The following UAP1 variants were observed in gnomAD, a reference collection of about 807,000 sequenced individuals.
UAP1 encodes UDP-N-acetylhexosamine pyrophosphorylase.
UAP1 carries 25 observed loss-of-function variants against 58.5 expected under a neutral mutation model. That is an observed-to-expected ratio of 0.43 (90% CI 0.31 to 0.60). The LOEUF is 0.60. Ranked by LOEUF, UAP1 falls within the 20% of genes least tolerant of loss-of-function variation. The pLI is 0.11. For missense variants in UAP1, 575 were observed against 630.0 expected (o/e 0.91, Z 0.93); for synonymous variants, 208 against 213.0 (o/e 0.98, Z 0.21).
intron 1 of UAP1, among the ~76,000 whole-genome samples, chr1:162,565,501 C>T (rs1653434976): frequency 6.6e-6 from 1 of 152,126 alleles, no homozygotes; most frequent in Non-Finnish European, 1.5e-5. Flanking sequence ...ATAGGTTGTT[C>T]TGTCTTCCTG....
chr1:162,581,862 GTATCTT>G (rs1654608461), intron 5 of UAP1, among the ~76,000 whole-genome samples: 1 of 152,174 alleles, frequency 6.6e-6, no homozygotes, highest in Non-Finnish European at 1.5e-5. Context: ...AGGTGACAAG[GTATCTT>G]ACGATGTTCT....
intron 9 of UAP1, chr1:162,593,107 A>G (rs975471917): frequency 1.7e-5 from 6 of 363,234 alleles, no homozygotes; most frequent in East Asian, 4.8e-5. Flanking sequence ...CACCTTTAAC[A>G]TAAGCTTATA....
At chr1:162,567,447 C>T (rs1185700779) in intron 2 of UAP1, among the ~76,000 whole-genome samples, 1 of 152,098 alleles carries the variant, frequency 6.6e-6, no homozygotes, top group Non-Finnish European at 1.5e-5. Context: ...AAAATCTTTC[C>T]CCTTAACCTA....
downstream of UAP1, among the ~76,000 whole-genome samples, chr1:162,600,670 G>A (rs1433341052): frequency 6.0e-5 from 9 of 149,774 alleles, no homozygotes; most frequent in East Asian, 1.6e-3. Flanking sequence ...TGAAGAGCAT[G>A]TGATGTTCAT....
In UAP1 at chr1:162,576,985, A is replaced by C; in HGVS notation, c.485+4A>C. 6.2e-7 allele frequency: 1 copy of C among 1,613,524 alleles called. No homozygotes were observed. The highest frequency in any genetic ancestry group is 8.5e-7 in the Non-Finnish European group (1 of 1,179,464). ...GCAACAAATGCATTATTCCATGGTA[A>C]GATACGTCTCATTATTGGAGTGTGT... On this transcript the variant is annotated splice_donor_region_variant and intron_variant, in intron 3 of 10. Transcript: ENST00000271469.
At chr1:162,588,711 G>T in exon 7 of UAP1, 1 of 1,610,732 alleles carries the variant, frequency 6.2e-7, no homozygotes, top group Non-Finnish European at 8.5e-7. Context: ...AACCTCAGTT[G>T]CAGCACCATG....
At position 162,589,441 on chromosome 1, in the gene UAP1, C is replaced by G. The variant is rs1050348782; in HGVS notation, c.1169+608C>G. Among the ~76,000 whole-genome samples, 186 of 149,996 alleles carry G rather than the reference C, an allele frequency of 1.2e-3. 2 individuals are homozygous for G. Among genetic ancestry groups the G allele is most frequent in the African/African-American group, 4.3e-3 (177 of 40,830 alleles). On this transcript the variant is annotated intron_variant, in intron 7 of 10. Transcript: ENST00000271469. ...GTGCTGGGATTATAGGCTTGAGCCA[C>G]TACGCCCCGCCTTGGTCTCCTGTAA...
At chr1:162,579,467 G>A in exon 4 of UAP1, 1 of 1,604,402 alleles carries the variant, frequency 6.2e-7, no homozygotes, top group South Asian at 1.1e-5. Flanking sequence ...AATCTACAAA[G>A]GAGTTCTTCA....
chr1:162,591,186 A>AGT (rs1655287863), intron 8 of UAP1, among the ~76,000 whole-genome samples: 3 of 152,058 alleles, frequency 2.0e-5, no homozygotes, highest in Non-Finnish European at 4.4e-5. Flanking sequence ...TGGCCTCCCA[A>AGT]AATGCTGGGA....
exon 11 of UAP1, chr1:162,599,376 G>A (rs1227299109): frequency 1.3e-6 from 2 of 1,579,176 alleles, no homozygotes; most frequent in Admixed American, 1.7e-5. Context: ...CAGATACCAA[G>A]TTTTGTTTGC....
chr1:162,576,788 A>G, exon 3 of UAP1: 1 of 1,613,556 alleles, frequency 6.2e-7, no homozygotes, highest in Non-Finnish European at 8.5e-7. Flanking sequence ...ACTTTTCCAG[A>G]TTTCTCAGAA....
chr1:162,571,392 GTGC>G (rs1418265341), intron 2 of UAP1, among the ~76,000 whole-genome samples: 1 of 152,084 alleles, frequency 6.6e-6, no homozygotes, highest in East Asian at 1.9e-4. Flanking sequence ...GGCCTCCCAA[GTGC>G]TGGAATTACA....
intron 8 of UAP1, 28 bp downstream of exon 8, chr1:162,590,539 T>C (rs1157625131): frequency 5.1e-6 from 8 of 1,559,506 alleles, no homozygotes; most frequent in Non-Finnish European, 7.0e-6. Context: ...CTCTTTTGTA[T>C]GAATCCTTTC....
rs12066429 is a variant in UAP1 at position 162,566,390 on chromosome 1, A to G, written c.280+42A>G. ...TATTTCTTACTGAAGTTTATTTGAGATATACTAAAATTGTTCAGGTAGCTG... is the reference window on the plus strand; with the variant it reads ...TATTTCTTACTGAAGTTTATTTGAGGTATACTAAAATTGTTCAGGTAGCTG... On this transcript the variant is annotated intron_variant, in intron 2 of 10. Coordinates refer to ENST00000271469, the Ensembl canonical transcript of UAP1. 41 of 1,560,420 alleles carry G rather than the reference A, an allele frequency of 2.6e-5. No individual in the cohort carries two copies. In the African/African-American group the frequency reaches 5.1e-4, roughly 19 times the overall value.
intron 10 of UAP1, among the ~76,000 whole-genome samples, chr1:162,598,875 G>T (rs909051570): frequency 1.3e-5 from 2 of 152,064 alleles, no homozygotes; most frequent in Admixed American, 1.3e-4. Flanking sequence ...ACTTAGACGG[G>T]TGTGATGGCA....
At chr1:162,573,943 G>A (rs1192707523) in intron 2 of UAP1, among the ~76,000 whole-genome samples, 6 of 151,516 alleles carry the variant, frequency 4.0e-5, no homozygotes, top group African/African-American at 1.2e-4. Context: ...CAGCCTGGGT[G>A]ACAGTGTGAG....
intron 10 of UAP1, among the ~76,000 whole-genome samples, chr1:162,598,722 T>A (rs1010445986): frequency 2.0e-5 from 3 of 152,176 alleles, no homozygotes; most frequent in Non-Finnish European, 4.4e-5. Context: ...CTTAGAAAGT[T>A]AACTCTACTG....
chr1:162,571,167 T>C (rs1653841826), intron 2 of UAP1, among the ~76,000 whole-genome samples: 1 of 151,550 alleles, frequency 6.6e-6, no homozygotes, highest in South Asian at 2.1e-4. Context: ...CTCACTCCGT[T>C]GCCCAGGCTG....
At chr1:162,580,670 ATTC>A (rs1654524524) in intron 4 of UAP1, among the ~76,000 whole-genome samples, 1 of 152,234 alleles carries the variant, frequency 6.6e-6, no homozygotes, top group Admixed American at 6.5e-5. Flanking sequence ...AAGAGTTACT[ATTC>A]TTAGCTGTAT....
Sources: allele counts gnomAD v4.1 joint callset (sites outside exome capture counted in the v4.1 genomes callset), GRCh38; gene constraint gnomAD v4.1.1; transcripts MANE v1.5; gene names NCBI Gene and HGNC (gene_info 2026-07-23, HGNC 2026-07-21).